SCEL: variants seen among roughly 807,000 people sequenced by gnomAD.
SCEL encodes the protein sciellin.
A neutral mutation model predicts 117.6 loss-of-function variants in SCEL; 113 were observed. That is an observed-to-expected ratio of 0.96 (90% CI 0.83 to 1.12). SCEL has a LOEUF of 1.12. Among genes scored for constraint, SCEL ranks in the 50% most tolerant of loss-of-function variants. The pLI is 0.00. For missense variants in SCEL, 785 were observed against 810.8 expected, an observed-to-expected ratio of 0.97 and a Z score of 0.39; for synonymous variants, 270 against 256.2, an observed-to-expected ratio of 1.05 and a Z score of -0.51.
chr13:77,613,950 TG>T lies in SCEL; in HGVS notation c.1447del (p.Asp483MetfsTer12). Reference sequence around the variant, plus strand: ...TCAGCCCCAAAGCTGTCAAAAACACTGATGGGTAAGAGATGGATGTGATTTT... The same window carrying T: ...TCAGCCCCAAAGCTGTCAAAAACACTATGGGTAAGAGATGGATGTGATTTT... ...NVSPKAVKNT[D>X]GKQDLDKLIK... On this transcript the variant is annotated frameshift_variant, in exon 24 of 33. Coordinates refer to ENST00000349847, the MANE Select transcript of SCEL (RefSeq NM_144777.3). LOFTEE classifies it high-confidence loss of function. 6.2e-7 allele frequency: 1 copy of T among 1,612,560 alleles called. No homozygotes were observed. Among genetic ancestry groups the T allele is most frequent in the Non-Finnish European group, 8.5e-7 (1 of 1,178,804 alleles).
intron 22 of SCEL, among the ~76,000 whole-genome samples, chr13:77,611,326 C>T (rs2088630087): frequency 6.6e-6 from 1 of 151,612 alleles, no homozygotes; most frequent in Admixed American, 6.6e-5. Flanking sequence ...TTGCTGACCC[C>T]TAGACTACAC....
At chr13:77,621,518 G>T (rs1352303187) in intron 27 of SCEL, among the ~76,000 whole-genome samples, 4 of 152,136 alleles carry the variant, frequency 2.6e-5, no homozygotes, top group Admixed American at 2.0e-4. Flanking sequence ...AGATGTTCTC[G>T]AGCTGTCTTT....
intron 9 of SCEL, among the ~76,000 whole-genome samples, chr13:77,573,919 A>G (rs1322902950): frequency 6.6e-6 from 1 of 152,194 alleles, no homozygotes; most frequent in East Asian, 1.9e-4. Context: ...ATACTTCGCT[A>G]TGGGTGATAC....
chr13:77,576,069 T>C (rs1433150556), intron 9 of SCEL, among the ~76,000 whole-genome samples: 1 of 152,170 alleles, frequency 6.6e-6, no homozygotes, highest in Non-Finnish European at 1.5e-5. Flanking sequence ...AGCCTAATCT[T>C]ACAAACCTAC....
intron 1 of SCEL, among the ~76,000 whole-genome samples, chr13:77,542,348 C>T (rs898892147): frequency 5.3e-5 from 8 of 152,094 alleles, no homozygotes; most frequent in African/African-American, 2.4e-5. Flanking sequence ...TTGCAGTGGC[C>T]GAGATCACGC....
chr13:77,572,081 G>C (rs773787115), intron 8 of SCEL, 43 bp from the exon 9 acceptor site: 1 of 1,524,124 alleles, frequency 6.6e-7, no homozygotes, highest in South Asian at 1.1e-5. Flanking sequence ...GGTGGGATCA[G>C]CCTTTCAATC....
chr13:77,641,716 A>G (rs2090565121), intron 31 of SCEL, among the ~76,000 whole-genome samples: 1 of 152,174 alleles, frequency 6.6e-6, no homozygotes. Flanking sequence ...GTTTCTTTCT[A>G]GTGCAACATT....
intron 27 of SCEL, among the ~76,000 whole-genome samples, chr13:77,624,395 C>T (rs1413110497): frequency 1.3e-5 from 2 of 152,190 alleles, no homozygotes; most frequent in African/African-American, 2.4e-5. Context: ...TGAACCACCG[C>T]GCCCAGCCAG....
intron 21 of SCEL, among the ~76,000 whole-genome samples, chr13:77,609,429 C>T (rs185487776): frequency 7.2e-5 from 11 of 152,190 alleles, no homozygotes; most frequent in South Asian, 2.1e-4. Flanking sequence ...AGAACTAGAC[C>T]GGACCCCATA....
intron 15 of SCEL, chr13:77,599,991 C>A: frequency 2.1e-6 from 1 of 474,072 alleles, no homozygotes; most frequent in South Asian, 3.4e-5. Context: ...AAGGATATGA[C>A]CTAGATGATC....
intron 1 of SCEL, among the ~76,000 whole-genome samples, chr13:77,550,561 TTTC>T (rs1264282870): frequency 1.3e-5 from 2 of 152,102 alleles, no homozygotes. Context: ...ACTAATCCAC[TTTC>T]TTTTCTATGG....
At chr13:77,591,336 A>G in intron 10 of SCEL, 59 bp from the exon 11 acceptor site, 3 of 1,055,846 alleles carry the variant, frequency 2.8e-6, no homozygotes, top group Non-Finnish European at 4.3e-6. Flanking sequence ...ATAAATTTCA[A>G]TTTATCAAAA....
chr13:77,639,076 C>T (rs568857069), intron 30 of SCEL, among the ~76,000 whole-genome samples: 16 of 152,116 alleles, frequency 1.1e-4, no homozygotes, highest in Non-Finnish European at 2.2e-4. Flanking sequence ...CATGTTATAT[C>T]ATGCATCTAG....
At chr13:77,563,246 A>G (rs1172832747) in intron 4 of SCEL, among the ~76,000 whole-genome samples, 1 of 145,864 alleles carries the variant, frequency 6.9e-6, no homozygotes, top group African/African-American at 2.5e-5. Context: ...CTCACTTCCC[A>G]CTTTCTCCTT....
In SCEL at chr13:77,556,610, A is replaced by G. The variant is rs556880949; in HGVS notation, c.58A>G (p.Thr20Ala). The G allele has an allele frequency of 8.1e-6, 13 of 1,613,782 alleles. No individual in the cohort carries two copies. In the African/African-American group the frequency reaches 1.6e-4, roughly 20 times the overall value. ...TCTGTTGATAGAGATGAAGAGCACC[A>G]CTCAGGGAACCACACGGAAGCAGCA... ...SPTGNEMKSTTQGTTRKQQDF... is the reference protein window; with the variant it reads ...SPTGNEMKSTAQGTTRKQQDF... Residue 20 changes from threonine (T) to alanine (A), a missense_variant, in exon 3 of 33, where the codon ACT (threonine) becomes GCT (alanine). Transcript: ENST00000349847.
rs756374462 is a variant in SCEL at position 77,627,917 on chromosome 13, T to C, written c.1629-30T>C. 10 of 912,036 alleles carry C rather than the reference T, an allele frequency of 1.1e-5. No individual in the cohort carries two copies. In the South Asian group the frequency reaches 1.8e-4, roughly 17 times the overall value. 56.5% of individuals were successfully genotyped at this position (912,036 alleles called of 1,614,324 possible). ...CTTATTTCCTATCATTATGTTGTAA[T>C]TATTCATATATATATATTTTTTTCC... On this transcript the variant is annotated intron_variant, in intron 27 of 32. Coordinates refer to ENST00000349847, the MANE Select transcript of SCEL (RefSeq NM_144777.3).
chr13:77,588,809 C>T (rs9600895), intron 9 of SCEL, among the ~76,000 whole-genome samples: 67,864 of 152,000 alleles, frequency 0.45, 16,973 homozygotes, highest in Middle Eastern at 0.56. Context: ...ATTTACAGTT[C>T]TCATGCACTG....
In SCEL at chr13:77,588,365, A is replaced by G. The variant is rs113603060; in HGVS notation, c.546-779A>G. On this transcript the variant is annotated intron_variant, in intron 9 of 32. Transcript: ENST00000349847. ...GCCCACATGCCTATCTACCATTGCT[A>G]CAGAAGCCAGAAGGGTACACAGGAT... 5.4e-3 allele frequency among the ~76,000 whole-genome samples: 821 copies of G among 152,266 alleles called. 9 individuals are homozygous for G. The highest frequency in any genetic ancestry group is 0.019 in the African/African-American group (783 of 41,542).
intron 19 of SCEL, among the ~76,000 whole-genome samples, chr13:77,605,594 G>A (rs2088102955): frequency 6.6e-6 from 1 of 152,124 alleles, no homozygotes; most frequent in Non-Finnish European, 1.5e-5. Context: ...GTAGATACAA[G>A]TAATTGTTGC....
Sources: allele counts gnomAD v4.1 joint callset (sites outside exome capture counted in the v4.1 genomes callset), GRCh38; gene constraint gnomAD v4.1.1; transcripts MANE v1.5; gene names NCBI Gene and HGNC (gene_info 2026-07-23, HGNC 2026-07-21).